Variants in ZNF341 observed in about 807,000 individuals in gnomAD.
The protein encoded by ZNF341 is zinc finger protein 341.
In ZNF341, 52 loss-of-function variants were observed where a neutral mutation model predicts 87.7. The ratio of observed to expected loss-of-function variants is 0.59; its 90% CI spans 0.47 to 0.75. The LOEUF is 0.75. Ranked by LOEUF, ZNF341 falls within the 30% of genes least tolerant of loss-of-function variation. ZNF341 has a pLI of 0.00. For missense variants in ZNF341, 977 were observed against 1,145.9 expected, an observed-to-expected ratio of 0.85 and a Z score of 2.13; for synonymous variants, 459 against 472.7, an observed-to-expected ratio of 0.97 and a Z score of 0.38.
chr20:33,791,233 C>G lies in ZNF341; in HGVS notation c.2281C>G (p.Arg761Gly), dbSNP rs772588786. The change falls in exon 15 of 15, where the codon CGC becomes GGC. Residue 761 changes from arginine (R) to glycine (G), a missense_variant. Arg to Gly is a moderately radical substitution (Grantham distance 125). Around this residue, in one of 3 missense-constraint regions of ZNF341, gnomAD observed 221 missense variants for 212.7 expected, o/e 1.04. Coordinates refer to ENST00000375200, the MANE Select transcript of ZNF341 (RefSeq NM_001282933.2). The part of the protein sequence containing the change: ...AAPRSCGSGG[R>G]KVLTPLPDPL... The stretch of plus-strand genomic sequence containing the variant: ...CCCCCGCAGTTGCGGCAGTGGTGGG[C>G]GCAAGGTGCTGACCCCCTTGCCTGA... The G allele has an allele frequency of 1.2e-6, 2 of 1,611,782 alleles. No homozygotes were observed. The highest frequency in any genetic ancestry group is 2.2e-5 in the South Asian group (2 of 90,980).
chr20:33,778,000 GTCC>G (rs1309777186), intron 10 of ZNF341, among the ~76,000 whole-genome samples: 1 of 152,196 alleles, frequency 6.6e-6, no homozygotes, highest in African/African-American at 2.4e-5. Context: ...CAAATACTGT[GTCC>G]TCCTCCGTGT....
chr20:33,761,671 G>A (rs547873315), intron 7 of ZNF341, among the ~76,000 whole-genome samples, 191 bp from the exon 8 acceptor site: 3 of 152,310 alleles, frequency 2.0e-5, no homozygotes, highest in East Asian at 1.9e-4. Context: ...GCTCAGTAAC[G>A]TGACCCGGAA....
At position 33,789,087 on chromosome 20, in the gene ZNF341, T is replaced by C. The variant is rs112099280; in HGVS notation, c.1964+113T>C. ...TGAGGGCAGGCCTCTCCTTTTTTTT[T>C]TTTTTGGAGACATAGTCTCACTCTG... On this transcript the variant is annotated intron_variant, in intron 13 of 14. Transcript: ENST00000375200. 0.01 allele frequency: 7,596 copies of C among 758,710 alleles called. 443 individuals are homozygous for C. In the African/African-American group the frequency reaches 0.12, roughly 12 times the overall value. 47.0% of individuals were successfully genotyped at this position (758,710 alleles called of 1,614,324 possible).
chr20:33,768,964 C>T (rs900499924), intron 9 of ZNF341, among the ~76,000 whole-genome samples: 1 of 151,982 alleles, frequency 6.6e-6, no homozygotes, highest in African/African-American at 2.4e-5. Context: ...TCAACAGAGG[C>T]CATGGATAGC....
intron 8 of ZNF341, among the ~76,000 whole-genome samples, chr20:33,763,799 G>A (rs931039937): frequency 6.6e-6 from 1 of 152,066 alleles, no homozygotes; most frequent in Non-Finnish European, 1.5e-5. Flanking sequence ...CCCTGATATT[G>A]ATTTAGTTTC....
At chr20:33,786,247 C>A (rs1350814119) in intron 12 of ZNF341, among the ~76,000 whole-genome samples, 1 of 151,520 alleles carries the variant, frequency 6.6e-6, no homozygotes, top group Non-Finnish European at 1.5e-5. Context: ...CAAGTGATCC[C>A]CCCGCCCCAG....
chr20:33,742,362 A>T (rs2018819581), intron 2 of ZNF341, among the ~76,000 whole-genome samples: 1 of 151,900 alleles, frequency 6.6e-6, no homozygotes, highest in Non-Finnish European at 1.5e-5. Context: ...ATGCCCAGCT[A>T]ATTTTTGTAT....
At chr20:33,783,982 C>T in intron 12 of ZNF341, 118 bp downstream of exon 12, 1 of 975,600 alleles carries the variant, frequency 1.0e-6, no homozygotes, top group East Asian at 2.6e-5. Context: ...TCCCTCAGCC[C>T]CTTTTCCCTC....
intron 10 of ZNF341, among the ~76,000 whole-genome samples, chr20:33,772,545 T>A (rs750148343): frequency 6.6e-6 from 1 of 152,148 alleles, no homozygotes; most frequent in Non-Finnish European, 1.5e-5. Context: ...TATATGTTTA[T>A]AAGGTATAGA....
At chr20:33,741,153 C>A in intron 2 of ZNF341, 141 bp downstream of exon 2, 1 of 751,298 alleles carries the variant, frequency 1.3e-6, no homozygotes, top group Non-Finnish European at 2.2e-6. Context: ...TCTCCCCCGC[C>A]TCCCAGCCGG....
At position 33,753,391 on chromosome 20, in the gene ZNF341, G is replaced by T. The variant is rs769045683; in HGVS notation, c.709G>T (p.Ala237Ser). Residue 237 changes from alanine to serine, a missense_variant, in exon 5 of 15, where the codon GCA (alanine) becomes TCA (serine). Physicochemically the swap from Ala to Ser is moderately conservative, Grantham distance 99. This residue lies in a region of ZNF341 where 515 missense variants were observed against 598.2 expected (regional missense o/e 0.86). Transcript: ENST00000375200. Reference protein sequence around the residue: ...LAGSGTVEIQALGMQPYPPLE... With the variant: ...LAGSGTVEIQSLGMQPYPPLE... The stretch of plus-strand genomic sequence containing the variant: ...TGGGAGTGGAACGGTGGAGATCCAG[G>T]CACTGGGGATGCAGCCCTACCCACC... 1.9e-6 allele frequency: 3 copies of T among 1,606,950 alleles called. No homozygotes were observed. Among genetic ancestry groups the T allele is most frequent in the East Asian group, 2.2e-5 (1 of 44,572 alleles).
chr20:33,746,000 G>A (rs1172047809), intron 3 of ZNF341, among the ~76,000 whole-genome samples: 3 of 146,868 alleles, frequency 2.0e-5, no homozygotes, highest in Non-Finnish European at 3.0e-5. Context: ...GCGCCATCTC[G>A]GCTCACCGCA....
At chr20:33,737,196 G>A (rs181493336) in intron 1 of ZNF341, among the ~76,000 whole-genome samples, 7 of 152,314 alleles carry the variant, frequency 4.6e-5, no homozygotes, top group Non-Finnish European at 7.4e-5. Flanking sequence ...CAGGGGAATT[G>A]CGACAGAGAA....
intron 13 of ZNF341, 50 bp downstream of exon 13, chr20:33,789,024 A>G: frequency 3.3e-6 from 4 of 1,205,360 alleles, no homozygotes; most frequent in South Asian, 2.5e-5. Context: ...CAGATTCTCC[A>G]GGGGTGCTGC....
At chr20:33,770,343 G>GGC in intron 10 of ZNF341, 51 bp downstream of exon 10, 2 of 511,250 alleles carry the variant, frequency 3.9e-6, no homozygotes, top group Non-Finnish European at 4.0e-6. Context: ...GGTGGGCAGG[G>GGC]AGCCCAGGGC....
chr20:33,769,350 C>T (rs960857822), intron 9 of ZNF341, among the ~76,000 whole-genome samples: 6 of 16,164 alleles, frequency 3.7e-4, no homozygotes, highest in African/African-American at 2.3e-3. Flanking sequence ...TTCTCAGGGC[C>T]AGGGAGGGGG....
At chr20:33,753,768 T>G (rs2122666113) in intron 5 of ZNF341, among the ~76,000 whole-genome samples, 1 of 152,360 alleles carries the variant, frequency 6.6e-6, no homozygotes, top group Non-Finnish European at 1.5e-5. Flanking sequence ...TGCCTGAGTG[T>G]CTCTTACAGT....
At chr20:33,790,121 G>T (rs1376172093) in intron 14 of ZNF341, among the ~76,000 whole-genome samples, 2 of 151,496 alleles carry the variant, frequency 1.3e-5, no homozygotes, top group Non-Finnish European at 2.9e-5. Flanking sequence ...CACCCAGGTG[G>T]AGTGCAGTGG....
intron 12 of ZNF341, among the ~76,000 whole-genome samples, chr20:33,785,612 C>T (rs1185330506): frequency 6.6e-6 from 1 of 152,178 alleles, no homozygotes; most frequent in Non-Finnish European, 1.5e-5. Flanking sequence ...GCTGGGATTA[C>T]AGATGCAAGC....
Sources: allele counts gnomAD v4.1 joint callset (sites outside exome capture counted in the v4.1 genomes callset), GRCh38; gene constraint gnomAD v4.1.1; regional missense constraint gnomAD v4.1.1; transcripts MANE v1.5; gene names NCBI Gene and HGNC (gene_info 2026-07-23, HGNC 2026-07-21).